The following COL24A1 variants were observed in gnomAD, a reference collection of about 807,000 sequenced individuals.
COL24A1 encodes the protein collagen type XXIV alpha 1 chain, also known as collagen alpha-1(XXIV) chain.
A neutral mutation model predicts 253.9 loss-of-function variants in COL24A1; 224 were observed. The ratio of observed to expected loss-of-function variants is 0.88; its 90% CI spans 0.79 to 0.99. COL24A1 has a LOEUF of 0.99. Ranked by LOEUF, COL24A1 falls within the 50% of genes least tolerant of loss-of-function variation. The pLI, the probability that COL24A1 is intolerant of heterozygous loss-of-function variation, is 0.00. For missense variants in COL24A1, 2,131 were observed against 2,068.5 expected (o/e 1.03, Z -0.59); for synonymous variants, 685 against 673.7 (o/e 1.02, Z -0.26).
intron 2 of COL24A1, among the ~76,000 whole-genome samples, chr1:86,141,472 T>A (rs1207155112): frequency 1.3e-5 from 2 of 152,056 alleles, no homozygotes; most frequent in Non-Finnish European, 2.9e-5. Context: ...GAGACAATCC[T>A]CCCCCCATCA....
intron 19 of COL24A1, among the ~76,000 whole-genome samples, chr1:85,993,441 GA>G (rs1558931753): frequency 2.7e-5 from 3 of 109,168 alleles, no homozygotes; most frequent in East Asian, 6.4e-4. Flanking sequence ...AAAGAAGCCA[GA>G]CAAAAAAAAA....
At chr1:85,860,479 C>T (rs749810959) in intron 37 of COL24A1, among the ~76,000 whole-genome samples, 8 of 152,144 alleles carry the variant, frequency 5.3e-5, no homozygotes, top group African/African-American at 1.2e-4. Flanking sequence ...CAGTGGCTCA[C>T]GCCTGTAATC....
chr1:86,105,538 C>T (rs556158673), intron 5 of COL24A1, among the ~76,000 whole-genome samples: 171 of 152,282 alleles, frequency 1.1e-3, no homozygotes, highest in African/African-American at 4.0e-3. Flanking sequence ...CAGATCAGAC[C>T]AGCCCCAGGT....
chr1:86,060,587 C>A (rs913430063), intron 8 of COL24A1, among the ~76,000 whole-genome samples: 1 of 152,044 alleles, frequency 6.6e-6, no homozygotes, highest in Non-Finnish European at 1.5e-5. Flanking sequence ...TCATCTCTCA[C>A]TTTTTTCCCT....
At chr1:86,141,587 G>A (rs183046453) in intron 2 of COL24A1, among the ~76,000 whole-genome samples, 57 of 152,204 alleles carry the variant, frequency 3.7e-4, no homozygotes, top group Admixed American at 1.0e-3. Context: ...CCTTAGACAT[G>A]TGTAGCCTAA....
intron 19 of COL24A1, among the ~76,000 whole-genome samples, chr1:85,997,126 T>C (rs1437508488): frequency 6.8e-6 from 1 of 146,674 alleles, no homozygotes; most frequent in Non-Finnish European, 1.5e-5. Context: ...TCATTGAAAA[T>C]AATGCATCTT....
At chr1:85,898,109 A>G (rs1683934591) in intron 28 of COL24A1, among the ~76,000 whole-genome samples, 1 of 152,206 alleles carries the variant, frequency 6.6e-6, no homozygotes, top group Non-Finnish European at 1.5e-5. Flanking sequence ...TAAGTGTGGA[A>G]AAGAAGACTG....
chr1:86,127,529 A>G (rs1648503165), intron 2 of COL24A1, among the ~76,000 whole-genome samples: 1 of 152,074 alleles, frequency 6.6e-6, no homozygotes, highest in African/African-American at 2.4e-5. Context: ...ATCACTTAAA[A>G]AGAATGACAA....
At chr1:86,081,490 T>C (rs936019791) in intron 7 of COL24A1, among the ~76,000 whole-genome samples, 1 of 152,186 alleles carries the variant, frequency 6.6e-6, no homozygotes, top group Non-Finnish European at 1.5e-5. Context: ...TCCTATGTTA[T>C]CACTACTCCT....
intron 37 of COL24A1, among the ~76,000 whole-genome samples, chr1:85,852,481 A>G (rs1677882874): frequency 1.3e-5 from 2 of 152,108 alleles, no homozygotes; most frequent in Admixed American, 1.3e-4. Context: ...AAATTTTTAA[A>G]TCACTTTTTA....
intron 1 of COL24A1, among the ~76,000 whole-genome samples, chr1:86,148,176 G>A (rs754972638): frequency 3.4e-5 from 5 of 149,022 alleles, no homozygotes; most frequent in African/African-American, 4.9e-5. Flanking sequence ...GTTTTGTTTT[G>A]TTTTTGTTTT....
At chr1:86,124,495 T>C (rs1371376220) in intron 3 of COL24A1, among the ~76,000 whole-genome samples, 1 of 152,032 alleles carries the variant, frequency 6.6e-6, no homozygotes, top group Non-Finnish European at 1.5e-5. Context: ...CTATGCATTC[T>C]CCTATGGTTT....
At chr1:85,905,475 G>A (rs1424408854) in intron 28 of COL24A1, among the ~76,000 whole-genome samples, 1 of 152,004 alleles carries the variant, frequency 6.6e-6, no homozygotes, top group Non-Finnish European at 1.5e-5. Flanking sequence ...TTTTCTGTAT[G>A]CCCAATGTCC....
rs548840006 is a variant in COL24A1 at position 85,772,960 on chromosome 1, A to G, written c.4374+2714T>C. On this transcript the variant is annotated intron_variant, in intron 53 of 59. Coordinates refer to ENST00000370571, the MANE Select transcript of COL24A1 (RefSeq NM_152890.7). Reference sequence around the variant, plus strand: ...GTCTTTGCCCATGCCTATGTCCTGAATGGTATTGCCCAGGTTTTCTTCTAG... The same window carrying G: ...GTCTTTGCCCATGCCTATGTCCTGAGTGGTATTGCCCAGGTTTTCTTCTAG... Among the ~76,000 whole-genome samples, 4 of 152,272 alleles carry G rather than the reference A, an allele frequency of 2.6e-5. No homozygotes were observed. The South Asian group carries it at 8.3e-4, about 32-fold the overall frequency.
chr1:85,777,658 C>T (rs936075847), intron 52 of COL24A1, among the ~76,000 whole-genome samples: 4 of 151,956 alleles, frequency 2.6e-5, no homozygotes, highest in Non-Finnish European at 5.9e-5. Context: ...GTATTGGGTG[C>T]TTTTATACCT....
At chr1:86,156,246 G>T in intron 1 of COL24A1, 95 bp downstream of exon 1, 1 of 1,235,036 alleles carries the variant, frequency 8.1e-7, no homozygotes, top group Non-Finnish European at 1.1e-6. Context: ...GTGCCAAGGA[G>T]CCGGACTTCA....
chr1:86,138,585 C>T (rs546504602), intron 2 of COL24A1, among the ~76,000 whole-genome samples: 4 of 152,236 alleles, frequency 2.6e-5, no homozygotes, highest in Non-Finnish European at 5.9e-5. Context: ...CTGCTGCCAT[C>T]GAGGTAAGAT....
chr1:86,029,356 A>G (rs1698340467), intron 14 of COL24A1, among the ~76,000 whole-genome samples: 1 of 152,204 alleles, frequency 6.6e-6, no homozygotes, highest in African/African-American at 2.4e-5. Flanking sequence ...GAATGGAATG[A>G]CTTAACAATT....
At chr1:86,063,331 T>C (rs1381627595) in intron 8 of COL24A1, among the ~76,000 whole-genome samples, 1 of 151,154 alleles carries the variant, frequency 6.6e-6, no homozygotes, top group Non-Finnish European at 1.5e-5. Context: ...GTTCCTGACA[T>C]TGTACAAAAA....
Sources: allele counts gnomAD v4.1 joint callset (sites outside exome capture counted in the v4.1 genomes callset), GRCh38; gene constraint gnomAD v4.1.1; transcripts MANE v1.5; gene names NCBI Gene and HGNC (gene_info 2026-07-23, HGNC 2026-07-21).